NDUFA10: variants seen among roughly 807,000 people sequenced by gnomAD.
NDUFA10 encodes NADH:ubiquinone oxidoreductase subunit A10, also known as NADH dehydrogenase [ubiquinone] 1 alpha subcomplex subunit 10, mitochondrial.
Under a neutral mutation model 47.8 loss-of-function variants are expected in NDUFA10, and 40 were observed. The ratio of observed to expected loss-of-function variants is 0.84; its 90% confidence interval spans 0.65 to 1.09. The LOEUF (loss-of-function observed/expected upper bound fraction) is 1.09. Among genes scored for constraint, NDUFA10 ranks in the 50% least tolerant of loss-of-function variants. The pLI is 0.00. For synonymous variants in NDUFA10, 183 were observed against 172.2 expected (o/e 1.06, Z -0.49); for missense variants, 413 against 451.1 (o/e 0.92, Z 0.76).
intron 8 of NDUFA10, 146 bp downstream of exon 8, chr2:240,005,064 G>T: frequency 1.4e-6 from 1 of 730,310 alleles, no homozygotes; most frequent in Non-Finnish European, 2.5e-6. Flanking sequence ...GGATTCAGGA[G>T]CTGTTTGGAA....
At chr2:239,963,329 A>AG (rs1433949840) in intron 9 of NDUFA10, among the ~76,000 whole-genome samples, 2 of 152,192 alleles carry the variant, frequency 1.3e-5, no homozygotes, top group East Asian at 1.9e-4. Flanking sequence ...CAGGAGAGTG[A>AG]GGGACCCTCC....
intron 4 of NDUFA10, chr2:240,017,920 GC>G: frequency 6.4e-7 from 1 of 1,553,758 alleles, no homozygotes; most frequent in Non-Finnish European, 8.7e-7. Flanking sequence ...AGATGAAAAT[GC>G]CGTCAGTCAG....
intron 8 of NDUFA10, among the ~76,000 whole-genome samples, chr2:240,004,717 AGC>A (rs1696878668): frequency 6.6e-6 from 1 of 150,868 alleles, no homozygotes; most frequent in Non-Finnish European, 1.5e-5. Flanking sequence ...CTGCCTGAAG[AGC>A]CTCTGCACCT....
At chr2:239,942,034 A>ATTGAAAGATCACACC (rs1455135388) in intron 4 of NDUFA10, among the ~76,000 whole-genome samples, 1 of 152,260 alleles carries the variant, frequency 6.6e-6, no homozygotes, top group Non-Finnish European at 1.5e-5. Flanking sequence ...GATTCTGCAT[A>ATTGAAAGATCACACC]TTGAAAGATC....
intron 8 of NDUFA10, among the ~76,000 whole-genome samples, chr2:239,992,815 T>C (rs1696306648): frequency 6.6e-6 from 1 of 152,204 alleles, no homozygotes; most frequent in Non-Finnish European, 1.5e-5. Flanking sequence ...TACACATAAT[T>C]AGACACTGGC....
chr2:239,905,563 C>G (rs1420718717), intron 4 of NDUFA10, among the ~76,000 whole-genome samples: 1 of 152,348 alleles, frequency 6.6e-6, no homozygotes, highest in East Asian at 1.9e-4. Context: ...ACATGTTCTT[C>G]ACGGGATGCT....
chr2:239,934,161 G>A (rs1038860209), intron 4 of NDUFA10, among the ~76,000 whole-genome samples: 1 of 152,168 alleles, frequency 6.6e-6, no homozygotes, highest in African/African-American at 2.4e-5. Context: ...TTACAGGTGT[G>A]AGCCACCATG....
chr2:239,963,993 A>C (rs1694960209), intron 9 of NDUFA10, among the ~76,000 whole-genome samples: 1 of 152,210 alleles, frequency 6.6e-6, no homozygotes, highest in South Asian at 2.1e-4. Context: ...GCGGGGAAGC[A>C]GTCAGCAGCT....
intron 9 of NDUFA10, among the ~76,000 whole-genome samples, chr2:239,980,785 GCC>G (rs962389036): frequency 6.6e-6 from 1 of 152,210 alleles, no homozygotes; most frequent in Non-Finnish European, 1.5e-5. Context: ...AAGCCGCGGT[GCC>G]CTCGGGACGC....
At chr2:239,903,079 A>T (rs954843417) in intron 4 of NDUFA10, among the ~76,000 whole-genome samples, 2 of 152,140 alleles carry the variant, frequency 1.3e-5, no homozygotes, top group African/African-American at 4.8e-5. Context: ...GTGGAAATCC[A>T]GAGCACGTTC....
rs545216948 is a variant in NDUFA10, at chr2:239,977,572, A to G, written c.999+12502T>C. Among the ~76,000 whole-genome samples, 10 of 152,302 alleles carry G rather than the reference A, an allele frequency of 6.6e-5. No individual in the cohort carries two copies. The South Asian group carries it at 2.1e-3, about 32-fold the overall frequency. On this transcript the variant is annotated intron_variant, in intron 9 of 9. Transcript: ENST00000252711. ...GACCGTGCCCCTTAAAGGCCAGTCAAGACATCTCCAAAACCAATCTGTTCC... is the reference window on the plus strand; with the variant it reads ...GACCGTGCCCCTTAAAGGCCAGTCAGGACATCTCCAAAACCAATCTGTTCC...
At chr2:240,009,142 C>T (rs1035747913) in intron 6 of NDUFA10, among the ~76,000 whole-genome samples, 1 of 152,194 alleles carries the variant, frequency 6.6e-6, no homozygotes, top group Non-Finnish European at 1.5e-5. Flanking sequence ...AGAGCCTCCC[C>T]AGCTCCTCAC....
chr2:239,959,695 GGAA>G lies in NDUFA10; in HGVS notation c.*1420_*1422del. On this transcript the variant is annotated 3_prime_UTR_variant, in exon 10 of 10. Transcript: ENST00000252711. ...GGAAGGAAGGAAGAGAAGGAGGGAAGGAAAGAGGCAGGGAGGAAAACAAGGACA... is the reference window on the plus strand; with the variant it reads ...GGAAGGAAGGAAGAGAAGGAGGGAAGAGAGGCAGGGAGGAAAACAAGGACA... 1.2e-6 allele frequency: 1 copy of G among 865,288 alleles called. No homozygotes were observed. The highest frequency in any genetic ancestry group is 1.4e-6 in the Non-Finnish European group (1 of 725,186). The allele number at this position is 865,288 out of a possible 1,614,324, so 53.6% of individuals were successfully genotyped here. A position where few individuals can be genotyped will look rare whatever the true frequency, so the allele number is the denominator to read the frequency against.
intron 9 of NDUFA10, 93 bp from the exon 10 acceptor site, chr2:239,961,279 C>T: frequency 6.3e-7 from 1 of 1,595,886 alleles, no homozygotes; most frequent in Non-Finnish European, 8.5e-7. Context: ...GATGCCTGTA[C>T]TTCATGAGTT....
chr2:239,915,906 TACAC>T (rs1233114535), intron 4 of NDUFA10, among the ~76,000 whole-genome samples: 1 of 92,560 alleles, frequency 1.1e-5, no homozygotes, highest in African/African-American at 4.3e-5. Flanking sequence ...GAGATACACA[TACAC>T]ACACAGCACA....
At chr2:239,935,491 G>A (rs138458206) in intron 4 of NDUFA10, among the ~76,000 whole-genome samples, 132 of 152,254 alleles carry the variant, frequency 8.7e-4, no homozygotes, top group African/African-American at 3.1e-3. Context: ...TGTCCCCATC[G>A]CTCAGCTCAT....
At chr2:239,921,817 G>A (rs1693989636) in intron 4 of NDUFA10, among the ~76,000 whole-genome samples, 1 of 152,134 alleles carries the variant, frequency 6.6e-6, no homozygotes, top group South Asian at 2.1e-4. Flanking sequence ...AGATCTGGGG[G>A]CAGGGTGGGG....
intron 4 of NDUFA10, among the ~76,000 whole-genome samples, chr2:239,946,159 C>T (rs1178560591): frequency 1.3e-5 from 2 of 152,158 alleles, no homozygotes; most frequent in Non-Finnish European, 2.9e-5. Flanking sequence ...GATGGCTGCA[C>T]GCTCCTCCCA....
At chr2:239,936,554 G>C (rs780229946) in intron 4 of NDUFA10, among the ~76,000 whole-genome samples, 2 of 152,228 alleles carry the variant, frequency 1.3e-5, no homozygotes, top group Non-Finnish European at 2.9e-5. Flanking sequence ...CACCAGGACA[G>C]GGACACTCTG....
Sources: gnomAD v4.1 joint callset for allele counts (sites outside exome capture counted in the v4.1 genomes callset) on GRCh38, gnomAD v4.1.1 for gene constraint, MANE v1.5 for transcripts, NCBI Gene and HGNC (gene_info 2026-07-23, HGNC 2026-07-21) for gene names.